Variants in PCDHA13 observed in about 807,000 individuals in gnomAD.
PCDHA13 encodes the protein protocadherin alpha-13.
In PCDHA13, 54 loss-of-function variants were observed where a neutral mutation model predicts 64.8. The ratio of observed to expected loss-of-function variants is 0.83; its 90% confidence interval spans 0.67 to 1.04. PCDHA13 has a LOEUF of 1.04. Among genes scored for constraint, PCDHA13 ranks in the 50% least tolerant of loss-of-function variants. The pLI is 0.00. For missense variants in PCDHA13, 1,248 were observed against 1,254.3 expected, an observed-to-expected ratio of 0.99 and a Z score of 0.08; for synonymous variants, 587 against 564.4, an observed-to-expected ratio of 1.04 and a Z score of -0.57.
chr5:140,885,049 A>T (rs1001120267), intron 1 of PCDHA13, among the ~76,000 whole-genome samples: 56 of 152,352 alleles, frequency 3.7e-4, no homozygotes, highest in African/African-American at 1.2e-3. Context: ...TTTAATGTAT[A>T]CATATACCCA....
intron 3 of PCDHA13, among the ~76,000 whole-genome samples, chr5:140,985,834 G>T (rs550087572): frequency 1.3e-5 from 2 of 150,860 alleles, no homozygotes; most frequent in South Asian, 4.2e-4. Flanking sequence ...CTGCCTCCCG[G>T]GTTCATGCCA....
intron 1 of PCDHA13, chr5:140,927,432 C>T: frequency 5.6e-6 from 9 of 1,614,124 alleles, no homozygotes; most frequent in Non-Finnish European, 5.9e-6. Flanking sequence ...TTGACGGCAG[C>T]GAATACCCGG....
intron 3 of PCDHA13, among the ~76,000 whole-genome samples, chr5:141,005,089 A>C (rs1554259886): frequency 6.6e-6 from 1 of 152,244 alleles, no homozygotes; most frequent in Non-Finnish European, 1.5e-5. Context: ...TTAGTACTTT[A>C]CATGCATTAC....
intron 1 of PCDHA13, among the ~76,000 whole-genome samples, chr5:140,943,364 C>T (rs1463652865): frequency 6.6e-6 from 1 of 150,620 alleles, no homozygotes; most frequent in Non-Finnish European, 1.5e-5. Context: ...GAAAGGAGAT[C>T]ATTAAAATAT....
chr5:140,982,772 A>T (rs144366377), intron 3 of PCDHA13, among the ~76,000 whole-genome samples: 67 of 152,052 alleles, frequency 4.4e-4, no homozygotes, highest in African/African-American at 1.5e-3. Context: ...TAACAAGGAA[A>T]GTGTGTGTGC....
chr5:140,917,329 G>GC (rs1563018868), intron 1 of PCDHA13, among the ~76,000 whole-genome samples: 1 of 143,930 alleles, frequency 6.9e-6, no homozygotes, highest in Non-Finnish European at 1.5e-5. Flanking sequence ...TGTGGCGGGG[G>GC]AGGGGGGGGA....
intron 1 of PCDHA13, among the ~76,000 whole-genome samples, chr5:140,957,130 A>G (rs1554222831): frequency 6.6e-6 from 1 of 152,188 alleles, no homozygotes; most frequent in East Asian, 1.9e-4. Context: ...TCTTTACTAC[A>G]CTATGAACTA....
At chr5:140,965,239 G>C (rs7722865) in intron 1 of PCDHA13, among the ~76,000 whole-genome samples, 9,112 of 152,230 alleles carry the variant, frequency 0.06, 825 homozygotes, top group African/African-American at 0.2. Context: ...CCTGGGAAGA[G>C]TGAATATTCA....
chr5:140,957,407 A>G lies in PCDHA13; in HGVS notation c.2395-21542A>G, dbSNP rs570373783. On this transcript the variant is annotated intron_variant, in intron 1 of 3. Coordinates refer to ENST00000289272, the MANE Select transcript of PCDHA13 (RefSeq NM_018904.3). ...GTTATAATTGTCCTAATTTATTATT[A>G]TTGTTGTTAATCTTTTACTGTGCCT... Among the ~76,000 whole-genome samples, 13 of 152,274 alleles carry G rather than the reference A, an allele frequency of 8.5e-5. No homozygotes were observed. The South Asian group carries it at 2.7e-3, about 32-fold the overall frequency.
intron 1 of PCDHA13, among the ~76,000 whole-genome samples, chr5:140,890,049 G>T (rs1488374417): frequency 1.3e-5 from 2 of 152,158 alleles, no homozygotes; most frequent in Non-Finnish European, 2.9e-5. Flanking sequence ...GTGTGTTGGA[G>T]CTGGCTCTTT....
chr5:141,006,618 A>G (rs74748321), intron 3 of PCDHA13, among the ~76,000 whole-genome samples: 53 of 152,290 alleles, frequency 3.5e-4, no homozygotes, highest in African/African-American at 1.3e-3. Flanking sequence ...GAATAAGGAG[A>G]CTATTGCTGC....
chr5:140,927,822 T>A (rs1554205109), intron 1 of PCDHA13: 1 of 1,614,152 alleles, frequency 6.2e-7, no homozygotes, highest in Admixed American at 1.7e-5. Context: ...AGGCATACAT[T>A]GAGGCGAGGG....
In PCDHA13 at chr5:140,982,522, G is replaced by A; in HGVS notation, c.2501G>A (p.Gly834Glu). Residue 834 changes from glycine to glutamate, a missense_variant, in exon 3 of 4, where the codon GGG (glycine) becomes GAG (glutamate). Coordinates refer to ENST00000289272, the MANE Select transcript of PCDHA13 (RefSeq NM_018904.3). ...GGCATTCTACGGGCTGGTCCAGGAG[G>A]GCCTGATCAGCAGTGGCCAACAGTA... ...EAGILRAGPG[G>E]PDQQWPTVSS... 2.5e-6 allele frequency: 4 copies of A among 1,614,182 alleles called. No homozygotes were observed. Among genetic ancestry groups the A allele is most frequent in the Non-Finnish European group, 3.4e-6 (4 of 1,180,032 alleles).
chr5:140,887,565 T>C (rs1214384060), intron 1 of PCDHA13, among the ~76,000 whole-genome samples: 2 of 152,180 alleles, frequency 1.3e-5, no homozygotes, highest in Admixed American at 1.3e-4. Context: ...TTAAAACTTT[T>C]CTTTTTATCC....
intron 1 of PCDHA13, 117 bp downstream of exon 1, chr5:140,884,779 G>C: frequency 1.4e-6 from 2 of 1,404,226 alleles, no homozygotes; most frequent in Non-Finnish European, 1.9e-6. Context: ...TTTTAATTTT[G>C]CTAGTTGTTA....
chr5:140,914,982 T>C (rs1411265179), intron 1 of PCDHA13, among the ~76,000 whole-genome samples: 1 of 149,996 alleles, frequency 6.7e-6, no homozygotes, highest in Non-Finnish European at 1.5e-5. Context: ...AGTCTTGCTC[T>C]GCTACCAGGC....
intron 1 of PCDHA13, among the ~76,000 whole-genome samples, chr5:140,933,589 G>T (rs1369666636): frequency 8.6e-5 from 13 of 152,012 alleles, no homozygotes; most frequent in Non-Finnish European, 2.9e-5. Context: ...GGGTTTTTAG[G>T]TTGATTTGTC....
chr5:140,957,736 C>T (rs1001757062), intron 1 of PCDHA13, among the ~76,000 whole-genome samples: 3 of 151,944 alleles, frequency 2.0e-5, no homozygotes, highest in Non-Finnish European at 4.4e-5. Context: ...ATTATATATA[C>T]TGACATGAAA....
chr5:141,009,654 C>T lies in PCDHA13; in HGVS notation c.2570C>T (p.Pro857Leu). 4 of 1,614,012 alleles carry T rather than the reference C, an allele frequency of 2.5e-6. No individual in the cohort carries two copies. The highest frequency in any genetic ancestry group is 3.4e-6 in the Non-Finnish European group (4 of 1,179,962). The change falls in exon 4 of 4, where the codon CCA becomes CTA. Residue 857 changes from proline to leucine, a missense_variant. Pro to Leu is a moderately conservative substitution (Grantham distance 98, BLOSUM62 -3). Coordinates refer to ENST00000289272, the MANE Select transcript of PCDHA13 (RefSeq NM_018904.3). ...CCAGAGGCAGGAGAAGTGTCCCCTC[C>T]AGTCGGTGCGGGTGTCAACAGCAAC... ...PEPEAGEVSP[P>L]VGAGVNSNSW...
Sources: gnomAD v4.1 joint callset for allele counts (sites outside exome capture counted in the v4.1 genomes callset) on GRCh38, gnomAD v4.1.1 for gene constraint, MANE v1.5 for transcripts, NCBI Gene and HGNC (gene_info 2026-07-23, HGNC 2026-07-21) for gene names.